HTR7: variants seen among roughly 807,000 people sequenced by gnomAD.
The protein encoded by HTR7 is 5-HT-7.
HTR7 carries 16 observed loss-of-function variants against 34.0 expected under a neutral mutation model. That is an observed-to-expected ratio of 0.47 (90% CI 0.32 to 0.71). The LOEUF (loss-of-function observed/expected upper bound fraction) is 0.71. HTR7 is among the 30% of genes least tolerant of loss of function. The pLI, the probability that HTR7 is intolerant of heterozygous loss-of-function variation, is 0.04. For synonymous variants in HTR7, 265 were observed against 260.2 expected, an observed-to-expected ratio of 1.02 and a Z score of -0.18; for missense variants, 504 against 625.5, an observed-to-expected ratio of 0.81 and a Z score of 2.07.
At chr10:90,766,016 G>T (rs1472952005) in intron 1 of HTR7, among the ~76,000 whole-genome samples, 1 of 152,182 alleles carries the variant, frequency 6.6e-6, no homozygotes, top group Non-Finnish European at 1.5e-5. Context: ...GGAATGTTCT[G>T]TATATGTCTG....
At chr10:90,852,333 G>A (rs1421889160) in intron 1 of HTR7, among the ~76,000 whole-genome samples, 7 of 152,102 alleles carry the variant, frequency 4.6e-5, no homozygotes, top group Admixed American at 1.3e-4. Context: ...AGATAAACAT[G>A]TAAGCAAAGA....
intron 1 of HTR7, among the ~76,000 whole-genome samples, chr10:90,778,929 G>A (rs1294555040): frequency 2.0e-5 from 3 of 152,178 alleles, no homozygotes; most frequent in East Asian, 1.9e-4. Context: ...CTTGGCCTCA[G>A]GCACCCTGAC....
At position 90,857,706 on chromosome 10, in the gene HTR7, G is replaced by A. The variant is rs1303145442; in HGVS notation, c.-35C>T. The A allele has an allele frequency of 2.1e-6, 3 of 1,455,838 alleles. No individual in the cohort carries two copies. The East Asian group carries it at 8.3e-5, about 40-fold the overall frequency. The allele number at this position is 1,455,838 out of a possible 1,614,324, so 90.2% of individuals were successfully genotyped here. ...GTGTGCCGCTGCCCATGGAGCCGGC[G>A]CCCCGGCCACGCGCCTCCGGCTGCC... On this transcript the variant is annotated 5_prime_UTR_variant, in exon 1 of 4. Transcript: ENST00000336152. The surrounding 1 kb of genome is among the most constrained non-coding windows in gnomAD (Gnocchi z 6.5).
At chr10:90,823,337 G>A (rs905219622) in intron 1 of HTR7, among the ~76,000 whole-genome samples, 4 of 152,210 alleles carry the variant, frequency 2.6e-5, no homozygotes, top group African/African-American at 4.8e-5. Flanking sequence ...AATGAGACAT[G>A]GAGTCAAAGA....
chr10:90,752,769 T>C (rs765741837), intron 1 of HTR7, among the ~76,000 whole-genome samples: 4 of 152,200 alleles, frequency 2.6e-5, no homozygotes, highest in Non-Finnish European at 4.4e-5. Flanking sequence ...TTGGATATTC[T>C]TGAAGTCTCA....
intron 1 of HTR7, among the ~76,000 whole-genome samples, chr10:90,801,778 C>T (rs1427986776): frequency 1.3e-5 from 2 of 152,296 alleles, no homozygotes; most frequent in African/African-American, 4.8e-5. Flanking sequence ...ATCAGTGAGC[C>T]TCCTGGCCTC....
intron 1 of HTR7, among the ~76,000 whole-genome samples, chr10:90,830,622 C>CA (rs1846153274): frequency 6.6e-6 from 1 of 151,884 alleles, no homozygotes; most frequent in Admixed American, 6.6e-5. Flanking sequence ...CCCATCTCTA[C>CA]AAAAAATACA....
At chr10:90,821,375 T>C (rs1845978655) in intron 1 of HTR7, among the ~76,000 whole-genome samples, 1 of 152,206 alleles carries the variant, frequency 6.6e-6, no homozygotes, top group Non-Finnish European at 1.5e-5. Flanking sequence ...AACTCAGTGC[T>C]GTCTGTCACA....
chr10:90,781,749 C>A (rs527813186), intron 1 of HTR7, among the ~76,000 whole-genome samples: 4 of 152,304 alleles, frequency 2.6e-5, no homozygotes, highest in African/African-American at 9.6e-5. Context: ...AATATTCATG[C>A]TTCAGATTTT....
intron 1 of HTR7, among the ~76,000 whole-genome samples, chr10:90,758,420 G>T (rs1479378181): frequency 6.6e-6 from 1 of 151,538 alleles, no homozygotes; most frequent in African/African-American, 2.4e-5. Flanking sequence ...AAGTAAAAAG[G>T]CTTGAGGTAA....
chr10:90,857,743 T>A lies in HTR7; in HGVS notation c.-72A>T, dbSNP rs1488325546. 2 of 1,370,408 alleles carry A rather than the reference T, an allele frequency of 1.5e-6. No homozygotes were observed. The highest frequency in any genetic ancestry group is 3.1e-5 in the African/African-American group (2 of 64,568). 84.9% of individuals were successfully genotyped at this position (1,370,408 alleles called of 1,614,324 possible). On this transcript the variant is annotated 5_prime_UTR_variant, in exon 1 of 4. The change creates a new upstream start codon in the 5' untranslated region. Transcript: ENST00000336152. The surrounding 1 kb of genome is among the most constrained non-coding windows in gnomAD (Gnocchi z 6.5). ...CGCCTCCGGCTGCCGGCCCCGGGGCTTCACCTCACCGGTTCCGCTCCGCCC... is the reference window on the plus strand; with the variant it reads ...CGCCTCCGGCTGCCGGCCCCGGGGCATCACCTCACCGGTTCCGCTCCGCCC...
intron 2 of HTR7, among the ~76,000 whole-genome samples, chr10:90,745,723 C>G (rs996117054): frequency 2.0e-5 from 3 of 152,182 alleles, no homozygotes; most frequent in African/African-American, 4.8e-5. Flanking sequence ...CAGACTATGG[C>G]CTGTTGGCCA....
chr10:90,847,653 A>T (rs985846338), intron 1 of HTR7, among the ~76,000 whole-genome samples: 1 of 152,208 alleles, frequency 6.6e-6, no homozygotes, highest in Non-Finnish European at 1.5e-5. Flanking sequence ...GCAAGGCTTC[A>T]GCCAGATACC....
chr10:90,810,590 C>T (rs190775134), intron 1 of HTR7, among the ~76,000 whole-genome samples: 18 of 152,282 alleles, frequency 1.2e-4, no homozygotes, highest in Admixed American at 1.0e-3. Context: ...AATTGTTTTG[C>T]CTATCCACCC....
chr10:90,831,400 T>C (rs909586301), intron 1 of HTR7, among the ~76,000 whole-genome samples: 1 of 151,958 alleles, frequency 6.6e-6, no homozygotes, highest in East Asian at 1.9e-4. Context: ...TCTGGAGTTG[T>C]TTGTTCCTCC....
chr10:90,839,579 A>ATCC (rs1385415275), intron 1 of HTR7, among the ~76,000 whole-genome samples: 4 of 152,328 alleles, frequency 2.6e-5, no homozygotes, highest in Non-Finnish European at 5.9e-5. Flanking sequence ...TGAAAGTGAT[A>ATCC]ATACAAACTG....
chr10:90,761,431 C>CT (rs1413145499), intron 1 of HTR7, among the ~76,000 whole-genome samples: 3 of 152,054 alleles, frequency 2.0e-5, no homozygotes, highest in Non-Finnish European at 4.4e-5. Flanking sequence ...GAATGGAACT[C>CT]TGATGGACTC....
chr10:90,839,032 T>A (rs995109239), intron 1 of HTR7, among the ~76,000 whole-genome samples: 1 of 152,190 alleles, frequency 6.6e-6, no homozygotes, highest in Non-Finnish European at 1.5e-5. Context: ...GATTAGGTAG[T>A]CAATAAATAT....
At chr10:90,779,429 A>G (rs1022380538) in intron 1 of HTR7, among the ~76,000 whole-genome samples, 39 of 152,202 alleles carry the variant, frequency 2.6e-4, no homozygotes, top group African/African-American at 8.7e-4. Context: ...GTTTTGCTCC[A>G]GCCTCATTGC....
Sources: gnomAD v4.1 joint callset for allele counts (sites outside exome capture counted in the v4.1 genomes callset) on GRCh38, gnomAD v4.1.1 for gene constraint, Gnocchi (gnomAD v3.1) non-coding constraint, MANE v1.5 for transcripts, NCBI Gene and HGNC (gene_info 2026-07-23, HGNC 2026-07-21) for gene names.